CMSS1: variants seen among roughly 807,000 people sequenced by gnomAD.
The protein encoded by CMSS1 is protein CMSS1.
A neutral mutation model predicts 43.5 loss-of-function variants in CMSS1; 33 were observed. The observed-to-expected ratio is 0.76, with a 90% confidence interval of 0.57 to 1.01. The LOEUF is 1.01. CMSS1 is among the 50% of genes least tolerant of loss of function. CMSS1 has a pLI of 0.00. For missense variants in CMSS1, 313 were observed against 326.4 expected (o/e 0.96, Z 0.32); for synonymous variants, 115 against 117.2 (o/e 0.98, Z 0.12).
chr3:99,907,447 C>T (rs1706654986), intron 1 of CMSS1, among the ~76,000 whole-genome samples: 1 of 152,064 alleles, frequency 6.6e-6, no homozygotes, highest in South Asian at 2.1e-4. Context: ...CAGGGTTTCA[C>T]CATGTTAGCC....
intron 1 of CMSS1, among the ~76,000 whole-genome samples, chr3:99,919,814 T>C (rs1421762579): frequency 6.6e-6 from 1 of 152,346 alleles, no homozygotes; most frequent in South Asian, 2.1e-4. Flanking sequence ...TTGTTCTTCA[T>C]TGAAACTTAA....
At chr3:99,912,541 C>G (rs1343706974) in intron 1 of CMSS1, among the ~76,000 whole-genome samples, 1 of 152,102 alleles carries the variant, frequency 6.6e-6, no homozygotes. Context: ...GCACACCCAG[C>G]TAAATTTTGT....
intron 1 of CMSS1, among the ~76,000 whole-genome samples, chr3:100,002,932 A>G (rs1288450389): frequency 6.6e-6 from 1 of 152,214 alleles, no homozygotes; most frequent in Non-Finnish European, 1.5e-5. Flanking sequence ...GCTGTCTGCA[A>G]ATCAGACATT....
At chr3:99,998,975 C>A (rs1009415137) in intron 1 of CMSS1, among the ~76,000 whole-genome samples, 1 of 152,204 alleles carries the variant, frequency 6.6e-6, no homozygotes, top group African/African-American at 2.4e-5. Flanking sequence ...AAAACCTCCA[C>A]CACAAGATTT....
rs139279909 is a variant in CMSS1, at chr3:100,114,883, A to G, written c.65-32090A>G. On this transcript the variant is annotated intron_variant, in intron 1 of 9. Transcript: ENST00000421999. ...ACCCAAGGCACTGTAAACATTCGCT[A>G]TTATTAACGCTGTGTTGGACTCAAA... 7.6e-4 allele frequency: 905 copies of G among 1,192,582 alleles called. 9 individuals carry two copies. The African/African-American group carries it at 9.9e-3, about 13-fold the overall frequency. The allele number at this position is 1,192,582 out of a possible 1,614,324, so 73.9% of individuals were successfully genotyped here.
At chr3:99,818,115 T>G in intron 1 of CMSS1, 72 bp downstream of exon 1, 1 of 1,466,184 alleles carries the variant, frequency 6.8e-7, no homozygotes. Context: ...CCCTGGTCGC[T>G]TCTGGCGATC....
intron 1 of CMSS1, among the ~76,000 whole-genome samples, chr3:99,870,745 T>G (rs757559304): frequency 6.6e-6 from 1 of 152,168 alleles, no homozygotes; most frequent in Non-Finnish European, 1.5e-5. Context: ...CACTCTTCTG[T>G]AAAATCTGGG....
chr3:100,068,797 T>C (rs753458735), intron 1 of CMSS1, among the ~76,000 whole-genome samples: 2 of 152,146 alleles, frequency 1.3e-5, no homozygotes, highest in Non-Finnish European at 2.9e-5. Context: ...CCAGCTAATT[T>C]TTGTATTTTT....
At position 100,162,352 on chromosome 3, in the gene CMSS1, C is replaced by G. The variant is rs1324131792; in HGVS notation, c.275C>G (p.Pro92Arg). ...LAKSEPKPGL[P>R]EDLQKLMKDY... ...AAATCAGAACCAAAACCAGGGTTAC[C>G]TGAAGACCTACAGAAGCTGATGAAG... Residue 92 changes from proline to arginine, a missense_variant, in exon 4 of 10, where the codon CCT (proline) becomes CGT (arginine). By Grantham distance (103) the Pro-to-Arg change is moderately radical. Coordinates refer to ENST00000421999, the MANE Select transcript of CMSS1 (RefSeq NM_032359.4). The G allele has an allele frequency of 1.2e-6, 2 of 1,613,362 alleles. No individual in the cohort carries two copies. Among genetic ancestry groups the G allele is most frequent in the Middle Eastern group, 1.6e-4 (1 of 6,082 alleles).
intron 1 of CMSS1, among the ~76,000 whole-genome samples, chr3:99,956,577 C>T (rs1463708210): frequency 6.6e-6 from 1 of 152,152 alleles, no homozygotes; most frequent in African/African-American, 2.4e-5. Context: ...GAATTCCTGA[C>T]CTCAGATGAT....
chr3:99,996,124 C>G (rs1709672257), intron 1 of CMSS1, among the ~76,000 whole-genome samples: 1 of 152,180 alleles, frequency 6.6e-6, no homozygotes, highest in African/African-American at 2.4e-5. Context: ...CCTTACAAAA[C>G]TGAATGCCTA....
At chr3:100,130,198 AC>A in intron 1 of CMSS1, among the ~76,000 whole-genome samples, 1 of 152,288 alleles carries the variant, frequency 6.6e-6, no homozygotes, top group South Asian at 2.1e-4. Flanking sequence ...TTTATAGATA[AC>A]CCTGAACAGC....
chr3:99,988,444 G>A (rs541896137), intron 1 of CMSS1, among the ~76,000 whole-genome samples: 49 of 147,602 alleles, frequency 3.3e-4, no homozygotes, highest in East Asian at 5.9e-4. Flanking sequence ...TGTGGGAGGC[G>A]GAGGTTGCAG....
intron 1 of CMSS1, among the ~76,000 whole-genome samples, chr3:99,979,564 G>A (rs1021136032): frequency 6.6e-6 from 1 of 152,074 alleles, no homozygotes; most frequent in African/African-American, 2.4e-5. Context: ...TGAGAAACAG[G>A]ATAAAACTCC....
At chr3:100,117,878 TACAC>T (rs1553715652) in intron 1 of CMSS1, among the ~76,000 whole-genome samples, 1 of 129,076 alleles carries the variant, frequency 7.7e-6, no homozygotes, top group Non-Finnish European at 1.6e-5. Context: ...TATATATATA[TACAC>T]ATACAATGGA....
chr3:100,072,150 A>T (rs1458107373), intron 1 of CMSS1, among the ~76,000 whole-genome samples: 1 of 152,212 alleles, frequency 6.6e-6, no homozygotes, highest in East Asian at 1.9e-4. Context: ...ACCAAACACT[A>T]GGCAATATGC....
intron 1 of CMSS1, among the ~76,000 whole-genome samples, chr3:99,916,062 T>G (rs1706940929): frequency 6.6e-6 from 1 of 152,208 alleles, no homozygotes; most frequent in Non-Finnish European, 1.5e-5. Flanking sequence ...GATGTCTGAA[T>G]AGCTGGTTAA....
At chr3:99,884,631 CA>C (rs1449585048) in intron 1 of CMSS1, among the ~76,000 whole-genome samples, 2 of 152,178 alleles carry the variant, frequency 1.3e-5, no homozygotes, top group African/African-American at 4.8e-5. Context: ...ACAAAGTGAG[CA>C]TTCTGCAAAC....
intron 1 of CMSS1, among the ~76,000 whole-genome samples, chr3:99,842,524 G>T (rs1380759505): frequency 6.6e-5 from 10 of 151,052 alleles, no homozygotes; most frequent in Non-Finnish European, 1.5e-4. Context: ...AAAAAAAGAT[G>T]GTCTCAGGTA....
Sources: gnomAD v4.1 joint callset for allele counts (sites outside exome capture counted in the v4.1 genomes callset) on GRCh38, gnomAD v4.1.1 for gene constraint, MANE v1.5 for transcripts, NCBI Gene and HGNC (gene_info 2026-07-23, HGNC 2026-07-21) for gene names.